The following MINAR1 variants were observed in gnomAD, a reference collection of about 807,000 sequenced individuals.
MINAR1 encodes major intrinsically disordered Notch2-binding receptor 1.
In MINAR1, 40 loss-of-function variants were observed where a neutral mutation model predicts 65.1. The observed-to-expected ratio is 0.61, with a 90% CI of 0.48 to 0.80. The LOEUF (loss-of-function observed/expected upper bound fraction) is 0.80. MINAR1 is among the 30% of genes least tolerant of loss of function. The pLI is 0.00. For synonymous variants in MINAR1, 482 were observed against 449.1 expected (o/e 1.07, Z -0.93); for missense variants, 1,128 against 1,148.0 (o/e 0.98, Z 0.25).
upstream of MINAR1, among the ~76,000 whole-genome samples, chr15:79,428,272 C>CT (rs1215681601): frequency 2.7e-5 from 3 of 112,988 alleles, no homozygotes; most frequent in South Asian, 3.6e-4. Context: ...TTCCTTTCTT[C>CT]TCCCTCTCTC....
the MINAR1 span, chr15:79,411,542 G>A: frequency 1.4e-6 from 1 of 700,166 alleles, no homozygotes; most frequent in Non-Finnish European, 2.6e-6. Context: ...GTGGATGGAG[G>A]GAAGACACAG....
rs141337389 is a variant in MINAR1, at chr15:79,458,442, A to G, written c.2295A>G (p.Lys765=). 23 of 1,608,654 alleles carry G rather than the reference A, an allele frequency of 1.4e-5. No homozygotes were observed. Among genetic ancestry groups the G allele is most frequent in the Non-Finnish European group, 2.0e-5 (23 of 1,176,882 alleles). Residue 765 remains lysine (K), a synonymous_variant, in exon 2 of 4, where the codon AAA becomes AAG. Coordinates refer to ENST00000305428, the MANE Select transcript of MINAR1 (RefSeq NM_015206.3). The part of the protein sequence containing the change: ...GDNKDWHRKS[K]EADRQYDIPP... The stretch of plus-strand genomic sequence containing the variant: ...ATAAAGACTGGCATCGGAAATCTAA[A>G]GAGGTAATTTAAATTTAAGTTCACA...
rs758274489 is a variant in MINAR1 at position 79,458,208 on chromosome 15, C to T, written c.2061C>T (p.Ser687=). Residue 687 remains serine, a synonymous_variant, in exon 2 of 4, where the codon AGC becomes AGT. Transcript: ENST00000305428. Reference sequence around the variant, plus strand: ...CTGACTGGTGCTGCTCTGATGCTAGCGGGAGCAACAGTGAAAGCCTGCGGG... The same window carrying T: ...CTGACTGGTGCTGCTCTGATGCTAGTGGGAGCAACAGTGAAAGCCTGCGGG... ...NNPDWCCSDA[S]GSNSESLRVK... is the part of the protein sequence containing the mutation. 8.7e-6 allele frequency: 14 copies of T among 1,614,082 alleles called. No individual in the cohort carries two copies. The highest frequency in any genetic ancestry group is 2.2e-5 in the South Asian group (2 of 91,068).
chr15:79,438,099 C>G (rs1463805062), intron 1 of MINAR1, among the ~76,000 whole-genome samples: 1 of 452 alleles, frequency 2.2e-3, no homozygotes. Flanking sequence ...GTGAGTGTGT[C>G]GGGTGTGGGT....
In MINAR1 at chr15:79,456,544, G is replaced by A; in HGVS notation, c.397G>A (p.Glu133Lys). The A allele has an allele frequency of 6.2e-7, 1 of 1,614,108 alleles. No individual in the cohort carries two copies. The highest frequency in any genetic ancestry group is 8.5e-7 in the Non-Finnish European group (1 of 1,180,032). The change falls in exon 2 of 4, where the codon GAG becomes AAG. Residue 133 changes from glutamate to lysine, a missense_variant. Transcript: ENST00000305428. ...RSDTEICNAAECEPLNCELSE... is the reference protein window; with the variant it reads ...RSDTEICNAAKCEPLNCELSE... ...GGACACAGAGATCTGCAATGCAGCT[G>A]AGTGTGAGCCCCTGAACTGTGAGCT...
upstream of MINAR1, among the ~76,000 whole-genome samples, chr15:79,430,136 T>C (rs977180842): frequency 1.2e-4 from 19 of 152,240 alleles, 1 homozygote; most frequent in Non-Finnish European, 7.3e-5. Flanking sequence ...AAAGCTCTAA[T>C]CTGCATTTTC....
the MINAR1 span, chr15:79,420,752 A>G: frequency 1.3e-5 from 2 of 152,264 alleles, no homozygotes; most frequent in Non-Finnish European, 2.9e-5. Flanking sequence ...CTTTTACACC[A>G]AAAGGCCTAC....
At chr15:79,463,036 C>CT in intron 2 of MINAR1, 31 bp from the exon 3 acceptor site, 12 of 1,588,122 alleles carry the variant, frequency 7.6e-6, no homozygotes, top group Non-Finnish European at 9.5e-6. Flanking sequence ...AACTGTGCCA[C>CT]TTGTCTGGAC....
intron 1 of MINAR1, among the ~76,000 whole-genome samples, chr15:79,441,229 GGAAGA>G (rs1392046729): frequency 3.3e-5 from 5 of 151,584 alleles, no homozygotes; most frequent in East Asian, 3.8e-4. Flanking sequence ...TGAAATGAAA[GGAAGA>G]GAAAACCACC....
the MINAR1 span, chr15:79,417,942 C>T: frequency 1.3e-5 from 2 of 152,356 alleles, no homozygotes; most frequent in East Asian, 3.9e-4. Flanking sequence ...TGTTTATCTG[C>T]ACTTTCCATG....
chr15:79,453,093 A>G lies in MINAR1; in HGVS notation c.-50-3005A>G, dbSNP rs76745278. On this transcript the variant is annotated intron_variant, in intron 1 of 3. Coordinates refer to ENST00000305428, the MANE Select transcript of MINAR1 (RefSeq NM_015206.3). ...ATCCGGCTTCAGACTGTGATGCATT[A>G]TGCTCTGAGTGGAGTTTCTCTAGCC... Among the ~76,000 whole-genome samples the G allele has an allele frequency of 2.7e-3, 416 of 151,884 alleles. 3 individuals carry two copies. Among genetic ancestry groups the G allele is most frequent in the African/African-American group, 9.8e-3 (407 of 41,414 alleles).
chr15:79,440,177 G>A (rs903059893), intron 1 of MINAR1, among the ~76,000 whole-genome samples: 2 of 152,162 alleles, frequency 1.3e-5, no homozygotes, highest in African/African-American at 2.4e-5. Flanking sequence ...CTCATCTGCT[G>A]AGTCAGAATC....
At chr15:79,414,511 T>C in the MINAR1 span, 1 of 152,196 alleles carries the variant, frequency 6.6e-6, no homozygotes, top group Non-Finnish European at 1.5e-5. Flanking sequence ...CAGAAAGCTG[T>C]AGGTAAGAGG....
chr15:79,452,220 A>AGTGTGTATGAATGTGTT (rs1895230931), intron 1 of MINAR1, among the ~76,000 whole-genome samples: 1 of 150,162 alleles, frequency 6.7e-6, no homozygotes, highest in Non-Finnish European at 1.5e-5. Flanking sequence ...TGTGCTTGAG[A>AGTGTGTATGAATGTGTT]GTGTGTATGA....
intron 3 of MINAR1, 85 bp downstream of exon 3, chr15:79,463,406 G>T: frequency 6.5e-7 from 1 of 1,528,062 alleles, no homozygotes; most frequent in Non-Finnish European, 8.9e-7. Context: ...GGCTTAGACC[G>T]GCCAGCCCAC....
At chr15:79,427,798 TA>T (rs1407467430), upstream of MINAR1, among the ~76,000 whole-genome samples, 2 of 152,164 alleles carry the variant, frequency 1.3e-5, no homozygotes, top group Non-Finnish European at 2.9e-5. Context: ...GAATGAGATC[TA>T]AAAAACTCTG....
At chr15:79,465,584 T>C (rs1895810642) in intron 3 of MINAR1, among the ~76,000 whole-genome samples, 1 of 152,112 alleles carries the variant, frequency 6.6e-6, no homozygotes, top group Non-Finnish European at 1.5e-5. Context: ...TAATAGTGTA[T>C]ATAGCTATGA....
intron 3 of MINAR1, among the ~76,000 whole-genome samples, chr15:79,467,487 G>C (rs1378285739): frequency 6.6e-6 from 1 of 152,210 alleles, no homozygotes; most frequent in East Asian, 1.9e-4. Flanking sequence ...CCTGATGACA[G>C]TTGATTAACC....
At chr15:79,422,472 C>G in the MINAR1 span, 1 of 150,842 alleles carries the variant, frequency 6.6e-6, no homozygotes. Flanking sequence ...CACTTGAACC[C>G]GGGAGGTGGA....
Sources: gnomAD v4.1 joint callset for allele counts (sites outside exome capture counted in the v4.1 genomes callset) on GRCh38, gnomAD v4.1.1 for gene constraint, MANE v1.5 for transcripts, NCBI Gene and HGNC (gene_info 2026-07-23, HGNC 2026-07-21) for gene names.